P4HA1: variants seen among roughly 807,000 people sequenced by gnomAD.
P4HA1 encodes the protein prolyl 4-hydroxylase subunit alpha-1.
A neutral mutation model predicts 72.8 loss-of-function variants in P4HA1; 24 were observed. The observed-to-expected ratio is 0.33, with a 90% confidence interval of 0.24 to 0.46. The LOEUF (loss-of-function observed/expected upper bound fraction) is 0.46, where lower values mean the gene tolerates loss of function less well. Among genes scored for constraint, P4HA1 ranks in the 20% least tolerant of loss-of-function variants. The probability of loss-of-function intolerance (pLI) is 1.00; values close to 1 mark genes in which losing one functional copy is unlikely to be tolerated. For missense variants in P4HA1, 446 were observed against 640.6 expected (o/e 0.70, Z 3.28); for synonymous variants, 201 against 218.8 (o/e 0.92, Z 0.72).
At chr10:73,070,474 G>A (rs977442545) in intron 4 of P4HA1, among the ~76,000 whole-genome samples, 8 of 151,960 alleles carry the variant, frequency 5.3e-5, no homozygotes, top group South Asian at 2.1e-4. Context: ...ATAACTAGAA[G>A]AGGGCTAGAG....
intron 9 of P4HA1, among the ~76,000 whole-genome samples, chr10:73,038,887 A>G (rs1481477143): frequency 6.6e-6 from 1 of 151,176 alleles, no homozygotes; most frequent in Non-Finnish European, 1.5e-5. Context: ...CGGCCTCCCA[A>G]AGTGCTGGGA....
At chr10:73,090,391 C>T (rs905345354) in intron 1 of P4HA1, among the ~76,000 whole-genome samples, 10 of 152,224 alleles carry the variant, frequency 6.6e-5, no homozygotes, top group Non-Finnish European at 1.3e-4. Context: ...GCCTCGGCCA[C>T]CCAAAGGGTT....
chr10:73,044,108 G>C, intron 9 of P4HA1: 1 of 492,008 alleles, frequency 2.0e-6, no homozygotes, highest in East Asian at 3.1e-5. Context: ...AAAACATTTA[G>C]AAAAGTGGCA....
At chr10:73,059,083 G>A (rs536207520) in intron 5 of P4HA1, among the ~76,000 whole-genome samples, 11 of 151,876 alleles carry the variant, frequency 7.2e-5, no homozygotes, top group African/African-American at 2.7e-4. Flanking sequence ...CAGCCAGTAC[G>A]CTATCTTTTG....
intron 12 of P4HA1, among the ~76,000 whole-genome samples, chr10:73,011,537 G>T (rs757205364): frequency 3.6e-4 from 55 of 152,214 alleles, no homozygotes; most frequent in Non-Finnish European, 7.2e-4. Context: ...ATTTCTCATG[G>T]AAGGGAATCA....
At chr10:73,011,616 T>A (rs1024287248) in intron 12 of P4HA1, among the ~76,000 whole-genome samples, 21 of 152,070 alleles carry the variant, frequency 1.4e-4, no homozygotes, top group African/African-American at 5.1e-4. Context: ...TAACCTAGAA[T>A]AAAAATGGAA....
chr10:73,074,175 A>ACCTT (rs1471797128), intron 2 of P4HA1, among the ~76,000 whole-genome samples: 1 of 152,090 alleles, frequency 6.6e-6, no homozygotes, highest in Non-Finnish European at 1.5e-5. Flanking sequence ...GTTCCCCTTT[A>ACCTT]CCTTACCTTT....
chr10:73,073,130 A>AC (rs1270031637), intron 3 of P4HA1, among the ~76,000 whole-genome samples: 2 of 145,824 alleles, frequency 1.4e-5, no homozygotes, highest in African/African-American at 2.6e-5. Flanking sequence ...CGATCATGCC[A>AC]CTGCACTCCA....
intron 13 of P4HA1, among the ~76,000 whole-genome samples, chr10:73,010,542 G>A (rs1247662851): frequency 6.6e-6 from 1 of 152,134 alleles, no homozygotes; most frequent in Non-Finnish European, 1.5e-5. Flanking sequence ...TTACCTCTAA[G>A]TACTCGTGGC....
At chr10:73,075,795 T>A (rs750678439) in intron 1 of P4HA1, among the ~76,000 whole-genome samples, 31 of 151,772 alleles carry the variant, frequency 2.0e-4, no homozygotes, top group Non-Finnish European at 2.4e-4. Context: ...GTCTCAAAAC[T>A]CCTGACCTCA....
chr10:73,029,770 G>A (rs929761367), intron 10 of P4HA1, among the ~76,000 whole-genome samples: 2 of 151,648 alleles, frequency 1.3e-5, no homozygotes, highest in African/African-American at 2.4e-5. Flanking sequence ...TGATTATGAC[G>A]GAGTGAAGAA....
intron 1 of P4HA1, among the ~76,000 whole-genome samples, chr10:73,078,856 C>A (rs1841763444): frequency 6.6e-6 from 1 of 152,014 alleles, no homozygotes; most frequent in Non-Finnish European, 1.5e-5. Context: ...AGGTGATCTG[C>A]CTGCCTCGGC....
At chr10:73,037,565 ATATATATTTTTT>A (rs1276319611) in intron 9 of P4HA1, among the ~76,000 whole-genome samples, 4 of 32,136 alleles carry the variant, frequency 1.2e-4, no homozygotes, top group African/African-American at 5.2e-4. Flanking sequence ...ATATATATAT[ATATATATTTTTT>A]TTTTTTTTTT....
In P4HA1 at chr10:73,074,886, TG is replaced by T; in HGVS notation, c.-4del. ...ATAATTAATATATACCAGATCATCT[TG>T]GAAGATTTAATTTTACAGGATCACA... On this transcript the variant is annotated 5_prime_UTR_variant, in exon 2 of 15. Transcript: ENST00000394890. 1 of 1,413,872 alleles carries T rather than the reference TG, an allele frequency of 7.1e-7. No individual in the cohort carries two copies. The highest frequency in any genetic ancestry group is 9.9e-7 in the Non-Finnish European group (1 of 1,005,344). 87.6% of individuals were successfully genotyped at this position (1,413,872 alleles called of 1,614,324 possible). A position where few individuals can be genotyped will look rare whatever the true frequency, so the allele number is the denominator to read the frequency against.
chr10:73,088,146 A>C (rs1385368886), intron 1 of P4HA1, among the ~76,000 whole-genome samples: 1 of 151,716 alleles, frequency 6.6e-6, no homozygotes, highest in Non-Finnish European at 1.5e-5. Context: ...TCCTGCCTCA[A>C]CCTCCCAAAA....
chr10:73,031,162 A>C (rs1482381854), intron 9 of P4HA1, among the ~76,000 whole-genome samples: 1 of 152,184 alleles, frequency 6.6e-6, no homozygotes. Context: ...TAGATCTATA[A>C]ACTGGAATAT....
At chr10:73,087,127 T>A (rs1841939138) in intron 1 of P4HA1, among the ~76,000 whole-genome samples, 1 of 151,718 alleles carries the variant, frequency 6.6e-6, no homozygotes, top group African/African-American at 2.4e-5. Flanking sequence ...TTTCCATTGC[T>A]CCCATTCTTA....
intron 7 of P4HA1, among the ~76,000 whole-genome samples, chr10:73,048,008 T>C (rs771424221): frequency 2.2e-4 from 33 of 152,074 alleles, no homozygotes; most frequent in Non-Finnish European, 4.4e-4. Flanking sequence ...GCCATGATCA[T>C]GCCACTACAC....
At chr10:73,047,233 C>T in intron 7 of P4HA1, 132 bp from the exon 8 acceptor site, 1 of 675,996 alleles carries the variant, frequency 1.5e-6, no homozygotes, top group South Asian at 2.0e-5. Flanking sequence ...ACAAAAGAAG[C>T]AGTACTCTGC....
Sources: allele counts gnomAD v4.1 joint callset (sites outside exome capture counted in the v4.1 genomes callset), GRCh38; gene constraint gnomAD v4.1.1; transcripts MANE v1.5; gene names NCBI Gene and HGNC (gene_info 2026-07-23, HGNC 2026-07-21).